Variants in SEMA6D observed in about 807,000 individuals in gnomAD.
SEMA6D encodes semaphorin 6D, also known as semaphorin-6D.
In SEMA6D, 35 loss-of-function variants were observed where a neutral mutation model predicts 106.6. The ratio of observed to expected loss-of-function variants is 0.33; its 90% CI spans 0.25 to 0.44. The LOEUF is 0.44. Ranked by LOEUF, SEMA6D falls within the 20% of genes least tolerant of loss-of-function variation. The probability of loss-of-function intolerance (pLI) is 1.00; values close to 1 mark genes in which losing one functional copy is unlikely to be tolerated. For missense variants in SEMA6D, 1,185 were observed against 1,345.9 expected (o/e 0.88, Z 1.87); for synonymous variants, 499 against 487.7 (o/e 1.02, Z -0.31).
At chr15:47,189,011 A>G (rs1019616154) in intron 1 of SEMA6D, among the ~76,000 whole-genome samples, 2 of 152,188 alleles carry the variant, frequency 1.3e-5, no homozygotes, top group Non-Finnish European at 2.9e-5. Flanking sequence ...TTATAGCACC[A>G]ATCAGAAAAG....
At chr15:47,543,775 T>A (rs1278529951) in intron 3 of SEMA6D, among the ~76,000 whole-genome samples, 1 of 152,156 alleles carries the variant, frequency 6.6e-6, no homozygotes, top group East Asian at 1.9e-4. Flanking sequence ...TTCATTCCCA[T>A]GATTTTATGA....
intron 1 of SEMA6D, among the ~76,000 whole-genome samples, chr15:47,346,507 T>C (rs779549234): frequency 1.1e-4 from 16 of 152,176 alleles, no homozygotes; most frequent in Admixed American, 2.0e-4. Context: ...AGGGCTGAGA[T>C]GACTGGAAGT....
intron 3 of SEMA6D, among the ~76,000 whole-genome samples, chr15:47,492,381 A>G (rs573809189): frequency 7.2e-5 from 11 of 152,292 alleles, no homozygotes; most frequent in African/African-American, 2.6e-4. Context: ...TTAATACTTT[A>G]AAAGTTCTCT....
chr15:47,400,780 C>T (rs1297705056), intron 1 of SEMA6D, among the ~76,000 whole-genome samples: 1 of 152,186 alleles, frequency 6.6e-6, no homozygotes, highest in East Asian at 1.9e-4. Context: ...CACATACTGG[C>T]TTACTGGCTT....
chr15:47,655,827 ATATATT>A (rs2077782190), intron 4 of SEMA6D, among the ~76,000 whole-genome samples: 1 of 152,244 alleles, frequency 6.6e-6, no homozygotes, highest in East Asian at 1.9e-4. Context: ...ACTTGCCAAA[ATATATT>A]TATAATTTCA....
intron 3 of SEMA6D, among the ~76,000 whole-genome samples, chr15:47,534,621 G>A (rs973412080): frequency 1.3e-5 from 2 of 152,092 alleles, no homozygotes; most frequent in African/African-American, 4.8e-5. Context: ...ATAAACAAAT[G>A]CTCATGTAAA....
chr15:47,542,327 T>C (rs1438725990), intron 3 of SEMA6D, among the ~76,000 whole-genome samples: 5 of 152,198 alleles, frequency 3.3e-5, no homozygotes, highest in Admixed American at 6.6e-5. Flanking sequence ...GGAGAACTTA[T>C]ATGCCTTTCT....
At chr15:47,283,396 C>G (rs1241069288) in intron 1 of SEMA6D, among the ~76,000 whole-genome samples, 3 of 152,170 alleles carry the variant, frequency 2.0e-5, no homozygotes, top group Non-Finnish European at 4.4e-5. Flanking sequence ...TAGGCACATA[C>G]TGATTAATTG....
intron 4 of SEMA6D, among the ~76,000 whole-genome samples, chr15:47,690,430 A>G (rs1003118764): frequency 3.9e-5 from 6 of 152,178 alleles, no homozygotes; most frequent in African/African-American, 1.4e-4. Context: ...TTGATTTCAG[A>G]CTTTGTCCAC....
intron 3 of SEMA6D, among the ~76,000 whole-genome samples, chr15:47,490,425 C>T (rs2043436819): frequency 6.6e-6 from 1 of 152,130 alleles, no homozygotes; most frequent in East Asian, 1.9e-4. Flanking sequence ...GCAGGCAGAT[C>T]ACAAGGTCAG....
chr15:47,467,741 T>C (rs542012456), intron 2 of SEMA6D, among the ~76,000 whole-genome samples: 8 of 152,304 alleles, frequency 5.3e-5, no homozygotes, highest in African/African-American at 1.9e-4. Flanking sequence ...TAAGAGATCA[T>C]TGATATAGTT....
At chr15:47,522,209 C>T (rs2044607749) in intron 3 of SEMA6D, among the ~76,000 whole-genome samples, 1 of 152,176 alleles carries the variant, frequency 6.6e-6, no homozygotes, top group Admixed American at 6.5e-5. Flanking sequence ...TCAGAATGTC[C>T]TATGCTTTTC....
chr15:47,761,047 C>G lies in SEMA6D; in HGVS notation c.282+9C>G, dbSNP rs575200196. 3.2e-5 allele frequency: 51 copies of G among 1,613,200 alleles called. 1 individual carries two copies. The South Asian group carries it at 4.9e-4, about 16-fold the overall frequency. Reference sequence around the variant, plus strand: ...AAGTAATACCCAACAAGGTGAGCAACTGTAGTTGGCAAATTTATTTACCTT... The same window carrying G: ...AAGTAATACCCAACAAGGTGAGCAAGTGTAGTTGGCAAATTTATTTACCTT... On this transcript the variant is annotated intron_variant, in intron 4 of 18. Transcript: ENST00000536845.
chr15:47,257,151 G>A (rs1011825162), intron 1 of SEMA6D, among the ~76,000 whole-genome samples: 17 of 150,094 alleles, frequency 1.1e-4, no homozygotes, highest in Non-Finnish European at 1.8e-4. Context: ...TCTGCCTCCC[G>A]GGTTCATGCC....
chr15:47,315,902 A>G (rs1465521170), intron 1 of SEMA6D, among the ~76,000 whole-genome samples: 2 of 152,092 alleles, frequency 1.3e-5, no homozygotes, highest in Non-Finnish European at 2.9e-5. Flanking sequence ...TTGCTGATAT[A>G]TAGGAGAATA....
chr15:47,526,077 T>C (rs2044746028), intron 3 of SEMA6D, among the ~76,000 whole-genome samples: 1 of 152,178 alleles, frequency 6.6e-6, no homozygotes, highest in South Asian at 2.1e-4. Flanking sequence ...TTTAAACTAG[T>C]TTCTTCACCA....
chr15:47,221,123 T>C (rs2031161928), intron 1 of SEMA6D, among the ~76,000 whole-genome samples: 1 of 152,192 alleles, frequency 6.6e-6, no homozygotes, highest in South Asian at 2.1e-4. Context: ...ATCCAAGCTC[T>C]GTGCCCCCTG....
chr15:47,461,253 T>C (rs1596055752), intron 2 of SEMA6D, among the ~76,000 whole-genome samples: 1 of 151,984 alleles, frequency 6.6e-6, no homozygotes, highest in East Asian at 1.9e-4. Context: ...CTCATCACAC[T>C]GTCATTATTC....
chr15:47,330,138 T>C (rs911188076), intron 1 of SEMA6D, among the ~76,000 whole-genome samples: 7 of 152,234 alleles, frequency 4.6e-5, no homozygotes, highest in African/African-American at 1.7e-4. Flanking sequence ...CTTTTCATTT[T>C]ATATTCTGCT....
Sources: gnomAD v4.1 joint callset for allele counts (sites outside exome capture counted in the v4.1 genomes callset) on GRCh38, gnomAD v4.1.1 for gene constraint, MANE v1.5 for transcripts, NCBI Gene and HGNC (gene_info 2026-07-23, HGNC 2026-07-21) for gene names.